Variants in COPG2 observed in about 807,000 individuals in gnomAD.
The protein encoded by COPG2 is coatomer subunit gamma-2.
COPG2 carries 37 observed loss-of-function variants against 46.3 expected under a neutral mutation model. The observed-to-expected ratio is 0.80, with a 90% CI of 0.61 to 1.05. The LOEUF is 1.05. Among genes scored for constraint, COPG2 ranks in the 50% least tolerant of loss-of-function variants. The pLI is 0.00. For missense variants in COPG2, 427 were observed against 387.8 expected, an observed-to-expected ratio of 1.10 and a Z score of -0.85; for synonymous variants, 159 against 129.7, an observed-to-expected ratio of 1.23 and a Z score of -1.53.
At chr7:130,656,918 G>C (rs1409269466) in intron 4 of COPG2, among the ~76,000 whole-genome samples, 1 of 150,438 alleles carries the variant, frequency 6.6e-6, no homozygotes, top group Non-Finnish European at 1.5e-5. Flanking sequence ...AGTTCCAGCA[G>C]CATTTTTATA....
intron 5 of COPG2, among the ~76,000 whole-genome samples, chr7:130,642,151 G>A (rs1554457418): frequency 6.6e-6 from 1 of 152,058 alleles, no homozygotes; most frequent in African/African-American, 2.4e-5. Flanking sequence ...CTGGGTGGGT[G>A]CCATCACATA....
At chr7:130,659,400 T>C (rs1226636001) in intron 4 of COPG2, among the ~76,000 whole-genome samples, 2 of 149,410 alleles carry the variant, frequency 1.3e-5, no homozygotes, top group Non-Finnish European at 3.0e-5. Context: ...GAAATTCCAC[T>C]TGTAGGTATC....
chr7:130,532,136 A>G (rs919420152), intron 20 of COPG2, among the ~76,000 whole-genome samples: 1 of 152,196 alleles, frequency 6.6e-6, no homozygotes, highest in South Asian at 2.1e-4. Flanking sequence ...TGATGGAGGC[A>G]TCAGGGTCAA....
At chr7:130,507,125 G>A in intron 23 of COPG2, 149 bp downstream of exon 23, 1 of 658,824 alleles carries the variant, frequency 1.5e-6, no homozygotes, top group Admixed American at 2.4e-5. Context: ...AGAATAGCAT[G>A]CAAAACAAAT....
At chr7:130,576,604 C>CAAAAGTTCAAAAGCTCA (rs1794002562) in intron 9 of COPG2, among the ~76,000 whole-genome samples, 1 of 152,038 alleles carries the variant, frequency 6.6e-6, no homozygotes, top group Non-Finnish European at 1.5e-5. Flanking sequence ...ATCAAAAGCT[C>CAAAAGTTCAAAAGCTCA]AAAAGTTCAA....
intron 9 of COPG2, among the ~76,000 whole-genome samples, chr7:130,594,310 A>C (rs562470250): frequency 6.6e-6 from 1 of 152,330 alleles, no homozygotes; most frequent in South Asian, 2.1e-4. Flanking sequence ...GGATAGCCAC[A>C]TGCAAAGAAT....
chr7:130,623,618 T>C (rs187717690), intron 5 of COPG2, among the ~76,000 whole-genome samples: 8 of 152,294 alleles, frequency 5.3e-5, no homozygotes, highest in Admixed American at 2.0e-4. Flanking sequence ...GGTATTTTCA[T>C]TGGGATTCCA....
At chr7:130,584,404 A>G (rs1322492250) in intron 9 of COPG2, among the ~76,000 whole-genome samples, 2 of 152,054 alleles carry the variant, frequency 1.3e-5, no homozygotes, top group Non-Finnish European at 2.9e-5. Context: ...CTGAAACAAG[A>G]TAACGATGCC....
At chr7:130,597,207 C>G in intron 9 of COPG2, among the ~76,000 whole-genome samples, 1 of 152,186 alleles carries the variant, frequency 6.6e-6, no homozygotes, top group South Asian at 2.1e-4. Flanking sequence ...AGGAGCAGAG[C>G]CCTGCTAGGG....
At chr7:130,645,884 AAATCCCT>A (rs1795585711) in intron 5 of COPG2, among the ~76,000 whole-genome samples, 1 of 152,228 alleles carries the variant, frequency 6.6e-6, no homozygotes, top group Admixed American at 6.5e-5. Context: ...TGAACAAGCA[AAATCCCT>A]CAAGCATCTC....
chr7:130,511,415 G>A, intron 20 of COPG2: 1 of 519,952 alleles, frequency 1.9e-6, no homozygotes, highest in Non-Finnish European at 3.8e-6. Flanking sequence ...GAGGAAAGCT[G>A]GGCAGTGAGT....
intron 5 of COPG2, among the ~76,000 whole-genome samples, chr7:130,618,100 CAAAAAAAAA>C (rs10695449): frequency 1.5e-5 from 1 of 64,598 alleles, no homozygotes; most frequent in Non-Finnish European, 2.9e-5. Flanking sequence ...GACCCTGTCT[CAAAAAAAAA>C]AAAAAAAAAA....
In COPG2 at chr7:130,660,965, C is replaced by G. The variant is rs531324159; in HGVS notation, c.243+2002G>C. ...CAACTTTTTTGCTTCTCCCTCTGTTCACTAACCTGGCAAAACTTCAATCCT... is the reference window on the plus strand; with the variant it reads ...CAACTTTTTTGCTTCTCCCTCTGTTGACTAACCTGGCAAAACTTCAATCCT... On this transcript the variant is annotated intron_variant, in intron 4 of 23. Transcript: ENST00000425248. Among the ~76,000 whole-genome samples, 12 of 152,292 alleles carry G rather than the reference C, an allele frequency of 7.9e-5. No individual in the cohort carries two copies. In the South Asian group the frequency reaches 2.5e-3, roughly 32 times the overall value.
intron 9 of COPG2, among the ~76,000 whole-genome samples, chr7:130,575,546 A>G (rs1334796463): frequency 6.6e-6 from 1 of 152,306 alleles, no homozygotes; most frequent in East Asian, 1.9e-4. Flanking sequence ...AAGGACTACT[A>G]AAAGGAGCCC....
intron 12 of COPG2, among the ~76,000 whole-genome samples, chr7:130,557,878 C>T (rs1051954192): frequency 4.7e-5 from 4 of 84,524 alleles, no homozygotes; most frequent in African/African-American, 1.9e-4. Flanking sequence ...AAATAAAGAA[C>T]TATGATGGAG....
intron 5 of COPG2, among the ~76,000 whole-genome samples, chr7:130,620,895 A>C (rs1364431339): frequency 1.3e-5 from 2 of 152,254 alleles, no homozygotes; most frequent in Non-Finnish European, 2.9e-5. Flanking sequence ...TAAGCTAAAC[A>C]ACAGCCCCCA....
At chr7:130,606,302 A>G (rs1317834487) in intron 9 of COPG2, among the ~76,000 whole-genome samples, 1 of 151,840 alleles carries the variant, frequency 6.6e-6, no homozygotes, top group Admixed American at 6.6e-5. Flanking sequence ...GAGAGAAAGA[A>G]AAGAAAGAAA....
intron 13 of COPG2, among the ~76,000 whole-genome samples, 154 bp downstream of exon 13, chr7:130,554,883 T>C (rs958697330): frequency 2.0e-5 from 3 of 152,156 alleles, no homozygotes; most frequent in Admixed American, 1.3e-4. Context: ...AGCAAAGCAA[T>C]GGCATGTTTA....
rs1308994776 is a variant in COPG2 at position 130,523,119 on chromosome 7, C to CAAAAA, written c.2150-14465_2150-14461dup. 1.9e-4 allele frequency among the ~76,000 whole-genome samples: 11 copies of CAAAAA among 57,536 alleles called. 5 individuals are homozygous for CAAAAA. The highest frequency in any genetic ancestry group is 2.1e-3 in the South Asian group (2 of 974). 37.7% of individuals were successfully genotyped at this position (57,536 alleles called of 152,430 possible). On this transcript the variant is annotated intron_variant, in intron 20 of 23. Transcript: ENST00000425248. The stretch of plus-strand genomic sequence containing the variant: ...GGGCGACAGAGTGAAACTCTTCTCT[C>CAAAAA]AAAAAAAAAAAAAAAGAAGGCTCCA...
Sources: gnomAD v4.1 joint callset for allele counts (sites outside exome capture counted in the v4.1 genomes callset) on GRCh38, gnomAD v4.1.1 for gene constraint, MANE v1.5 for transcripts, NCBI Gene and HGNC (gene_info 2026-07-23, HGNC 2026-07-21) for gene names.